UBE2E2: variants seen among roughly 807,000 people sequenced by gnomAD.
UBE2E2 encodes the protein ubiquitin conjugating enzyme E2 E2.
UBE2E2 carries 6 observed loss-of-function variants against 24.7 expected under a neutral mutation model. The observed-to-expected ratio is 0.24, with a 90% CI of 0.13 to 0.48. UBE2E2 has a LOEUF of 0.48. Among genes scored for constraint, UBE2E2 ranks in the 20% least tolerant of loss-of-function variants. The pLI is 0.99. For missense variants in UBE2E2, 169 were observed against 245.0 expected (o/e 0.69, Z 2.07); for synonymous variants, 104 against 83.6 (o/e 1.24, Z -1.33).
chr3:23,585,595 T>A (rs1301143147), intron 5 of UBE2E2, among the ~76,000 whole-genome samples: 1 of 152,174 alleles, frequency 6.6e-6, no homozygotes, highest in Non-Finnish European at 1.5e-5. Context: ...CTGAACATGC[T>A]CCTCTTTTCA....
chr3:23,581,692 A>G (rs1696481246), intron 5 of UBE2E2, among the ~76,000 whole-genome samples: 1 of 152,196 alleles, frequency 6.6e-6, no homozygotes. Flanking sequence ...CCACTATGCT[A>G]TACTATCTTT....
intron 4 of UBE2E2, among the ~76,000 whole-genome samples, chr3:23,527,266 C>T (rs749697725): frequency 9.9e-5 from 15 of 152,062 alleles, no homozygotes; most frequent in Non-Finnish European, 1.6e-4. Flanking sequence ...TATTATAAAA[C>T]TAAATATGAG....
At chr3:23,311,476 A>G (rs538622484) in intron 3 of UBE2E2, among the ~76,000 whole-genome samples, 2 of 152,314 alleles carry the variant, frequency 1.3e-5, no homozygotes, top group Non-Finnish European at 2.9e-5. Flanking sequence ...GAATTAGGAA[A>G]CAGTGTAGCT....
intron 4 of UBE2E2, among the ~76,000 whole-genome samples, chr3:23,502,672 T>G (rs922018017): frequency 6.6e-6 from 1 of 152,190 alleles, no homozygotes; most frequent in Non-Finnish European, 1.5e-5. Flanking sequence ...TTGCCTAAAT[T>G]CTAATAAGGC....
chr3:23,556,140 C>CTTTTTTTTT (rs71057604), intron 5 of UBE2E2, among the ~76,000 whole-genome samples: 3 of 92,314 alleles, frequency 3.2e-5, no homozygotes, highest in African/African-American at 4.4e-5. Flanking sequence ...AATATACAAA[C>CTTTTTTTTT]TTTTTTTTTT....
chr3:23,537,118 GCT>G (rs1484782921), intron 5 of UBE2E2, among the ~76,000 whole-genome samples: 2 of 152,106 alleles, frequency 1.3e-5, no homozygotes, highest in African/African-American at 4.8e-5. Context: ...ACGTGATTTG[GCT>G]CTCTTTTGCT....
chr3:23,484,855 G>A (rs910458893), intron 3 of UBE2E2, among the ~76,000 whole-genome samples: 11 of 152,016 alleles, frequency 7.2e-5, no homozygotes, highest in African/African-American at 2.2e-4. Context: ...GAACAGAATG[G>A]GAAAGACCCA....
At chr3:23,348,439 T>C (rs1355450991) in intron 3 of UBE2E2, among the ~76,000 whole-genome samples, 1 of 151,490 alleles carries the variant, frequency 6.6e-6, no homozygotes, top group Non-Finnish European at 1.5e-5. Context: ...AATTAGAAAG[T>C]AGATTTTTTT....
rs190338447 is a variant in UBE2E2, at chr3:23,369,667, A to G, written c.228-129941A>G. On this transcript the variant is annotated intron_variant, in intron 3 of 5. Transcript: ENST00000396703. ...TATCGAAGCCAGTCATCCAGCCATC[A>G]TGTGTGATTTTCTGCTTTGAACACA... Among the ~76,000 whole-genome samples the G allele has an allele frequency of 9.9e-5, 15 of 152,280 alleles. 1 individual carries two copies. In the East Asian group the frequency reaches 2.5e-3, roughly 26 times the overall value.
At chr3:23,238,195 A>G (rs1697168781) in intron 3 of UBE2E2, among the ~76,000 whole-genome samples, 2 of 152,192 alleles carry the variant, frequency 1.3e-5, no homozygotes, top group Non-Finnish European at 2.9e-5. Context: ...GTGGTATAGT[A>G]GTAAGATAAT....
rs567058595 is a variant in UBE2E2 at position 23,351,842 on chromosome 3, A to G, written c.227+134530A>G. On this transcript the variant is annotated intron_variant, in intron 3 of 5. Coordinates refer to ENST00000396703, the MANE Select transcript of UBE2E2 (RefSeq NM_152653.4). Reference sequence around the variant, plus strand: ...CAGATCAACGAGACAGAAAGTTAACAAGGATACCCAGGAATTGAACTCAGC... The same window carrying G: ...CAGATCAACGAGACAGAAAGTTAACGAGGATACCCAGGAATTGAACTCAGC... Among the ~76,000 whole-genome samples, 27 of 152,314 alleles carry G rather than the reference A, an allele frequency of 1.8e-4. No individual in the cohort carries two copies. In the South Asian group the frequency reaches 3.9e-3, roughly 22 times the overall value.
intron 5 of UBE2E2, among the ~76,000 whole-genome samples, chr3:23,561,297 C>A (rs1695923914): frequency 6.6e-6 from 1 of 152,206 alleles, no homozygotes; most frequent in South Asian, 2.1e-4. Context: ...TATGGCTAGC[C>A]AGTTTTCTCA....
intron 3 of UBE2E2, among the ~76,000 whole-genome samples, chr3:23,224,163 T>A (rs888627194): frequency 6.7e-6 from 1 of 149,034 alleles, no homozygotes; most frequent in African/African-American, 2.5e-5. Context: ...TAGGTTTTTT[T>A]TTTTTTTTTT....
chr3:23,399,356 G>C (rs2125369238), intron 3 of UBE2E2, among the ~76,000 whole-genome samples: 1 of 152,242 alleles, frequency 6.6e-6, no homozygotes, highest in Non-Finnish European at 1.5e-5. Flanking sequence ...ACTGAGATCT[G>C]GTAACTGAGA....
intron 3 of UBE2E2, among the ~76,000 whole-genome samples, chr3:23,330,542 AG>A (rs1445650651): frequency 6.6e-6 from 1 of 152,204 alleles, no homozygotes; most frequent in Non-Finnish European, 1.5e-5. Flanking sequence ...ACGAATTACA[AG>A]GAGGAATGAT....
At chr3:23,213,518 T>A (rs1264581001) in intron 2 of UBE2E2, among the ~76,000 whole-genome samples, 1 of 152,120 alleles carries the variant, frequency 6.6e-6, no homozygotes, top group Non-Finnish European at 1.5e-5. Flanking sequence ...CATTGAAATT[T>A]AATTGTGTAT....
chr3:23,445,204 G>C (rs912318957), intron 3 of UBE2E2, among the ~76,000 whole-genome samples: 3 of 152,194 alleles, frequency 2.0e-5, no homozygotes, highest in Non-Finnish European at 4.4e-5. Context: ...CAAGTGGAAG[G>C]CTGGCTGACA....
chr3:23,386,265 T>C (rs1696802284), intron 3 of UBE2E2, among the ~76,000 whole-genome samples: 1 of 152,168 alleles, frequency 6.6e-6, no homozygotes, highest in Non-Finnish European at 1.5e-5. Context: ...GAGGGTCCCC[T>C]TCCTTGTTTA....
chr3:23,249,271 C>A (rs1163875868), intron 3 of UBE2E2, among the ~76,000 whole-genome samples: 127 of 137,542 alleles, frequency 9.2e-4, no homozygotes, highest in South Asian at 1.2e-3. Flanking sequence ...GACCCTGTCT[C>A]AAAAAAAAAA....
Sources: allele counts gnomAD v4.1 joint callset (sites outside exome capture counted in the v4.1 genomes callset), GRCh38; gene constraint gnomAD v4.1.1; transcripts MANE v1.5; gene names NCBI Gene and HGNC (gene_info 2026-07-23, HGNC 2026-07-21).